Variants in DLG2 observed in about 807,000 individuals in gnomAD.
The protein encoded by DLG2 is discs large MAGUK scaffold protein 2.
In DLG2, 45 loss-of-function variants were observed where a neutral mutation model predicts 132.5. That is an observed-to-expected ratio of 0.34 (90% CI 0.27 to 0.44). The LOEUF (loss-of-function observed/expected upper bound fraction) is 0.44. Among genes scored for constraint, DLG2 ranks in the 20% least tolerant of loss-of-function variants. The pLI, the probability that DLG2 is intolerant of heterozygous loss-of-function variation, is 1.00. For synonymous variants in DLG2, 424 were observed against 419.6 expected (o/e 1.01, Z -0.13); for missense variants, 1,045 against 1,196.9 (o/e 0.87, Z 1.87).
At chr11:85,084,295 A>G (rs1416528663) in intron 6 of DLG2, among the ~76,000 whole-genome samples, 2 of 152,200 alleles carry the variant, frequency 1.3e-5, no homozygotes, top group Non-Finnish European at 2.9e-5. Context: ...ATGGGAAGTG[A>G]GCTCAAGTAG....
chr11:85,209,576 C>T (rs924674389), intron 4 of DLG2, among the ~76,000 whole-genome samples: 8 of 142,232 alleles, frequency 5.6e-5, no homozygotes, highest in Admixed American at 5.2e-4. Flanking sequence ...TACAGGAGCA[C>T]ACTACCACAC....
intron 7 of DLG2, among the ~76,000 whole-genome samples, chr11:84,510,573 G>A (rs879708103): frequency 6.6e-6 from 1 of 152,016 alleles, no homozygotes; most frequent in Non-Finnish European, 1.5e-5. Flanking sequence ...AATAACAATA[G>A]TACTAACCTC....
intron 3 of DLG2, among the ~76,000 whole-genome samples, chr11:85,579,002 C>T (rs563883492): frequency 6.6e-6 from 1 of 152,082 alleles, no homozygotes; most frequent in South Asian, 2.1e-4. Context: ...AGATGATAGA[C>T]TGGATAAAGA....
At chr11:84,265,419 C>A (rs988161471) in intron 7 of DLG2, among the ~76,000 whole-genome samples, 1 of 151,880 alleles carries the variant, frequency 6.6e-6, no homozygotes, top group Non-Finnish European at 1.5e-5. Context: ...AGTAATTTAC[C>A]CAAGATAGCA....
At chr11:84,322,265 G>A (rs2098409045) in intron 7 of DLG2, among the ~76,000 whole-genome samples, 1 of 152,176 alleles carries the variant, frequency 6.6e-6, no homozygotes, top group South Asian at 2.1e-4. Flanking sequence ...CCTACAGTCA[G>A]CACTTTAGTG....
At chr11:84,158,793 GT>G (rs150903472) in intron 9 of DLG2, among the ~76,000 whole-genome samples, 4,500 of 152,268 alleles carry the variant, frequency 0.03, 235 homozygotes, top group African/African-American at 0.1. Context: ...AGATTAAGTT[GT>G]TTGTTGAGAG....
intron 9 of DLG2, among the ~76,000 whole-genome samples, chr11:84,148,294 T>G (rs1027301619): frequency 6.6e-6 from 1 of 152,166 alleles, no homozygotes; most frequent in East Asian, 1.9e-4. Context: ...ACGCTGAGGT[T>G]TGGAGTACAA....
At chr11:85,112,174 G>C (rs968279459) in intron 5 of DLG2, among the ~76,000 whole-genome samples, 16 of 152,050 alleles carry the variant, frequency 1.1e-4, no homozygotes, top group Non-Finnish European at 2.9e-5. Context: ...ATTCTCTCTA[G>C]AGTGTTTCAT....
intron 6 of DLG2, among the ~76,000 whole-genome samples, chr11:84,819,408 C>T (rs1353251608): frequency 6.6e-6 from 1 of 151,832 alleles, no homozygotes; most frequent in Non-Finnish European, 1.5e-5. Context: ...AAGAGAAAAG[C>T]CTTCACCAGT....
At chr11:85,247,333 T>C (rs2076184608) in intron 4 of DLG2, among the ~76,000 whole-genome samples, 1 of 151,948 alleles carries the variant, frequency 6.6e-6, no homozygotes, top group Middle Eastern at 3.2e-3. Context: ...GGGCATGGGG[T>C]CAGTGGACTT....
chr11:84,088,853 A>G (rs1191204844), intron 10 of DLG2, among the ~76,000 whole-genome samples: 2 of 152,152 alleles, frequency 1.3e-5, no homozygotes, highest in African/African-American at 4.8e-5. Flanking sequence ...ACTAGGTAAT[A>G]AAGTCTCCCT....
intron 7 of DLG2, among the ~76,000 whole-genome samples, chr11:84,434,978 C>A (rs1450998553): frequency 1.4e-5 from 2 of 147,550 alleles, no homozygotes; most frequent in Non-Finnish European, 1.5e-5. Context: ...AAATCACAAT[C>A]ATTGTCCATT....
chr11:84,945,001 G>C (rs1001260379), intron 6 of DLG2, among the ~76,000 whole-genome samples: 2 of 152,150 alleles, frequency 1.3e-5, no homozygotes, highest in Admixed American at 1.3e-4. Flanking sequence ...TTGTCTGAAA[G>C]GTCACGTATC....
At chr11:83,790,418 C>A in intron 17 of DLG2, 2 of 1,044,758 alleles carry the variant, frequency 1.9e-6, no homozygotes, top group Non-Finnish European at 3.0e-6. Context: ...TGTGATTGGT[C>A]CCCAGTACCA....
intron 6 of DLG2, among the ~76,000 whole-genome samples, chr11:84,609,522 C>G (rs1016111644): frequency 6.6e-6 from 1 of 152,094 alleles, no homozygotes; most frequent in South Asian, 2.1e-4. Context: ...TTAAGGTCAA[C>G]CCAAGCCAAT....
chr11:84,591,223 C>CTCTGTCCGTGTG (rs1555073566), intron 6 of DLG2, among the ~76,000 whole-genome samples: 18 of 139,288 alleles, frequency 1.3e-4, no homozygotes, highest in Middle Eastern at 7.2e-3. Context: ...ATGTGTCTCT[C>CTCTGTCCGTGTG]TGTGTGTGTG....
chr11:85,399,374 C>G (rs1431950530), intron 3 of DLG2, among the ~76,000 whole-genome samples: 2 of 152,144 alleles, frequency 1.3e-5, no homozygotes, highest in African/African-American at 4.8e-5. Flanking sequence ...TTTATAGATT[C>G]AATGCCATCC....
chr11:85,050,516 C>A (rs1187920526), intron 6 of DLG2, among the ~76,000 whole-genome samples: 2 of 152,042 alleles, frequency 1.3e-5, no homozygotes, highest in Non-Finnish European at 2.9e-5. Context: ...AAGACAATGG[C>A]ATTTCCAATG....
chr11:85,284,132 G>C (rs1382105660), intron 4 of DLG2, among the ~76,000 whole-genome samples: 1 of 151,798 alleles, frequency 6.6e-6, no homozygotes, highest in East Asian at 1.9e-4. Context: ...CCAACTTCAT[G>C]TACATATATT....
Sources: gnomAD v4.1 joint callset for allele counts (sites outside exome capture counted in the v4.1 genomes callset) on GRCh38, gnomAD v4.1.1 for gene constraint, MANE v1.5 for transcripts, NCBI Gene and HGNC (gene_info 2026-07-23, HGNC 2026-07-21) for gene names.